PPFIA2: variants seen among roughly 807,000 people sequenced by gnomAD.
The protein encoded by PPFIA2 is liprin-alpha-2.
PPFIA2 carries 46 observed loss-of-function variants against 175.5 expected under a neutral mutation model. The observed-to-expected ratio is 0.26, with a 90% confidence interval of 0.21 to 0.34. PPFIA2 has a LOEUF of 0.34. PPFIA2 is among the 10% of genes least tolerant of loss of function. The pLI, the probability that PPFIA2 is intolerant of heterozygous loss-of-function variation, is 1.00. For synonymous variants in PPFIA2, 568 were observed against 511.4 expected, an observed-to-expected ratio of 1.11 and a Z score of -1.49; for missense variants, 1,179 against 1,506.1, an observed-to-expected ratio of 0.78 and a Z score of 3.60.
At chr12:81,340,162 T>C (rs892759310) in intron 20 of PPFIA2, among the ~76,000 whole-genome samples, 4 of 152,086 alleles carry the variant, frequency 2.6e-5, no homozygotes, top group Non-Finnish European at 5.9e-5. Context: ...TGTTGAAATA[T>C]ACTCTTTTTT....
intron 4 of PPFIA2, among the ~76,000 whole-genome samples, chr12:81,642,706 G>A (rs1224478599): frequency 0.052 from 1,863 of 35,530 alleles, 734 homozygotes; most frequent in Non-Finnish European, 0.099. Context: ...ACATGTATAT[G>A]TATGTATGTA....
At chr12:81,542,108 G>T (rs1456858965) in intron 4 of PPFIA2, among the ~76,000 whole-genome samples, 2 of 152,070 alleles carry the variant, frequency 1.3e-5, no homozygotes, top group African/African-American at 4.8e-5. Flanking sequence ...ATTTAACTAA[G>T]AATTTTGAGA....
intron 3 of PPFIA2, among the ~76,000 whole-genome samples, chr12:81,719,587 A>G (rs2079067311): frequency 6.6e-6 from 1 of 151,566 alleles, no homozygotes; most frequent in Non-Finnish European, 1.5e-5. Flanking sequence ...AATTTAAGCC[A>G]AAGTGAAGCA....
intron 3 of PPFIA2, among the ~76,000 whole-genome samples, chr12:81,709,384 G>A (rs1055344869): frequency 6.6e-6 from 1 of 151,494 alleles, no homozygotes; most frequent in Admixed American, 6.6e-5. Flanking sequence ...TAATTTTTTT[G>A]CTTGTTTATT....
intron 4 of PPFIA2, among the ~76,000 whole-genome samples, chr12:81,494,983 T>C (rs1366877125): frequency 6.7e-6 from 1 of 148,388 alleles, no homozygotes; most frequent in South Asian, 2.2e-4. Context: ...TTAGGAGATA[T>C]ACCTAATGCT....
At position 81,567,387 on chromosome 12, in the gene PPFIA2, T is replaced by A. The variant is rs567605984; in HGVS notation, c.303+109404A>T. On this transcript the variant is annotated intron_variant, in intron 4 of 32. Coordinates refer to ENST00000549396, the MANE Select transcript of PPFIA2 (RefSeq NM_003625.5). ...TAGACCCTTATAATTGATAGGAGTG[T>A]TTTTATTATTAATACCTGATTTTGT... Among the ~76,000 whole-genome samples the A allele has an allele frequency of 2.1e-4, 32 of 152,276 alleles. 1 individual carries two copies. The South Asian group carries it at 6.4e-3, about 31-fold the overall frequency.
Position 81,605,691 on chromosome 12 carries a change from CTA to C in PPFIA2, c.303+71098_303+71099del, listed in dbSNP as rs1567544513. Among the ~76,000 whole-genome samples the C allele has an allele frequency of 7.4e-4, 107 of 145,128 alleles. 1 individual carries two copies. Among genetic ancestry groups the C allele is most frequent in the South Asian group, 2.3e-3 (11 of 4,694 alleles). ...TCTATCTATCTATCTATCTATCTAT[CTA>C]ATCTGTCTATAATTTCTCTATCTCT... On this transcript the variant is annotated intron_variant, in intron 4 of 32. Transcript: ENST00000549396.
intron 3 of PPFIA2, among the ~76,000 whole-genome samples, chr12:81,678,327 A>T (rs899529229): frequency 6.6e-6 from 1 of 151,920 alleles, no homozygotes; most frequent in African/African-American, 2.4e-5. Context: ...GGACTTAATC[A>T]GATGATTTTC....
chr12:81,376,498 A>T (rs1321740667), intron 9 of PPFIA2, among the ~76,000 whole-genome samples: 1 of 152,158 alleles, frequency 6.6e-6, no homozygotes, highest in Non-Finnish European at 1.5e-5. Context: ...CTAGTTATAT[A>T]TGTTTCAATT....
chr12:81,500,807 C>T (rs535274463), intron 4 of PPFIA2, among the ~76,000 whole-genome samples: 17 of 152,286 alleles, frequency 1.1e-4, no homozygotes, highest in African/African-American at 3.6e-4. Context: ...AAACCATAGG[C>T]TTTCCTGAAT....
At chr12:81,588,061 CA>C (rs965647079) in intron 4 of PPFIA2, among the ~76,000 whole-genome samples, 1 of 151,416 alleles carries the variant, frequency 6.6e-6, no homozygotes, top group African/African-American at 2.4e-5. Flanking sequence ...TGCAGAGAGA[CA>C]AGCAAAAAAC....
At chr12:81,489,678 C>T (rs994130960) in intron 4 of PPFIA2, among the ~76,000 whole-genome samples, 1 of 151,862 alleles carries the variant, frequency 6.6e-6, no homozygotes, top group African/African-American at 2.4e-5. Flanking sequence ...GTGTTTGAAA[C>T]GTTTCTATCA....
chr12:81,281,514 T>C (rs1259721887), intron 26 of PPFIA2, 64 bp from the exon 27 acceptor site: 3 of 1,066,830 alleles, frequency 2.8e-6, no homozygotes, highest in East Asian at 5.0e-5. Flanking sequence ...TTGGATAATA[T>C]TACCTATTAT....
chr12:81,611,283 G>C (rs1444586779), intron 4 of PPFIA2, among the ~76,000 whole-genome samples: 1 of 152,100 alleles, frequency 6.6e-6, no homozygotes, highest in Non-Finnish European at 1.5e-5. Context: ...TCTTCAGAGG[G>C]AGGCATACTC....
chr12:81,668,397 G>T (rs938750723), intron 4 of PPFIA2, among the ~76,000 whole-genome samples: 1 of 151,950 alleles, frequency 6.6e-6, no homozygotes, highest in African/African-American at 2.4e-5. Context: ...AAATTTACTG[G>T]AGAAGAAACA....
rs375450447 is a variant in PPFIA2, at chr12:81,324,611, AG to A, written c.2642+1165del. ...TTCTCAATAAATAGTCACGAAATAG[AG>A]TATATCATTAATTGGTAGGACTAAA... On this transcript the variant is annotated intron_variant, in intron 22 of 32. Coordinates refer to ENST00000549396, the MANE Select transcript of PPFIA2 (RefSeq NM_003625.5). 4.6e-5 allele frequency among the ~76,000 whole-genome samples: 7 copies of A among 152,158 alleles called. 1 individual carries two copies. The highest frequency in any genetic ancestry group is 1.4e-4 in the African/African-American group (6 of 41,568).
intron 15 of PPFIA2, among the ~76,000 whole-genome samples, chr12:81,360,881 T>G (rs2029868227): frequency 6.6e-6 from 1 of 151,790 alleles, no homozygotes; most frequent in Admixed American, 6.6e-5. Context: ...TGTCTTATTT[T>G]ATCTGCAAAC....
chr12:81,614,184 T>C (rs1406925876), intron 4 of PPFIA2, among the ~76,000 whole-genome samples: 1 of 152,122 alleles, frequency 6.6e-6, no homozygotes, highest in African/African-American at 2.4e-5. Flanking sequence ...ACACACAGTA[T>C]GCTAATCCCC....
At chr12:81,681,911 G>A (rs1030148622) in intron 3 of PPFIA2, among the ~76,000 whole-genome samples, 2 of 151,916 alleles carry the variant, frequency 1.3e-5, no homozygotes, top group African/African-American at 4.8e-5. Flanking sequence ...TATCCCACAA[G>A]ACCCAAGAGA....
Sources: gnomAD v4.1 joint callset for allele counts (sites outside exome capture counted in the v4.1 genomes callset) on GRCh38, gnomAD v4.1.1 for gene constraint, MANE v1.5 for transcripts, NCBI Gene and HGNC (gene_info 2026-07-23, HGNC 2026-07-21) for gene names.